The following CREB5 variants were observed in gnomAD, a reference collection of about 807,000 sequenced individuals.
The protein encoded by CREB5 is cAMP responsive element binding protein 5, also known as cyclic AMP-responsive element-binding protein 5.
In CREB5, 19 loss-of-function variants were observed where a neutral mutation model predicts 57.1. That is an observed-to-expected ratio of 0.33 (90% CI 0.23 to 0.49). The LOEUF (loss-of-function observed/expected upper bound fraction) is 0.49, where lower values mean the gene tolerates loss of function less well. Among genes scored for constraint, CREB5 ranks in the 20% least tolerant of loss-of-function variants. CREB5 has a pLI of 0.99. For synonymous variants in CREB5, 238 were observed against 238.3 expected (o/e 1.00, Z 0.01); for missense variants, 579 against 671.6 (o/e 0.86, Z 1.52).
chr7:28,690,956 G>A (rs1294337896), intron 5 of CREB5, among the ~76,000 whole-genome samples: 22 of 152,168 alleles, frequency 1.4e-4, no homozygotes, highest in Admixed American at 1.4e-3. Context: ...GGATACTAGC[G>A]ATTAAAATGC....
intron 1 of CREB5, among the ~76,000 whole-genome samples, chr7:28,359,632 G>C (rs1786426425): frequency 4.6e-5 from 1 of 21,812 alleles, no homozygotes; most frequent in Non-Finnish European, 2.7e-4. Context: ...AGAAAACATA[G>C]CAGGAAAACC....
intron 1 of CREB5, among the ~76,000 whole-genome samples, chr7:28,327,165 A>T (rs1436111744): frequency 6.6e-6 from 1 of 151,610 alleles, no homozygotes; most frequent in Non-Finnish European, 1.5e-5. Context: ...AAAAAAAAAA[A>T]AAAGGAAACC....
chr7:28,462,269 A>G (rs1241244359), intron 1 of CREB5, among the ~76,000 whole-genome samples: 2 of 152,192 alleles, frequency 1.3e-5, no homozygotes, highest in African/African-American at 4.8e-5. Flanking sequence ...TTATAGCCAA[A>G]TAACATTTAA....
intron 5 of CREB5, among the ~76,000 whole-genome samples, chr7:28,620,273 T>C (rs532297524): frequency 2.0e-5 from 3 of 152,348 alleles, no homozygotes; most frequent in Admixed American, 2.0e-4. Flanking sequence ...TCTCACTATG[T>C]TACCCAGGCT....
At chr7:28,549,837 G>A (rs148183489) in intron 4 of CREB5, among the ~76,000 whole-genome samples, 10 of 152,322 alleles carry the variant, frequency 6.6e-5, no homozygotes, top group African/African-American at 2.2e-4. Flanking sequence ...TGCAAAGCGT[G>A]TCATTGCTGA....
At chr7:28,715,495 T>C (rs1393256975) in intron 5 of CREB5, among the ~76,000 whole-genome samples, 1 of 152,230 alleles carries the variant, frequency 6.6e-6, no homozygotes. Flanking sequence ...ATAATAATTC[T>C]AGTTTCAATA....
chr7:28,575,105 G>C (rs1171998725), intron 5 of CREB5, among the ~76,000 whole-genome samples: 1 of 152,174 alleles, frequency 6.6e-6, no homozygotes, highest in Non-Finnish European at 1.5e-5. Flanking sequence ...CAGATGCTAT[G>C]TGTCATGCAG....
chr7:28,363,260 C>T (rs770820006), intron 1 of CREB5, among the ~76,000 whole-genome samples: 5 of 152,124 alleles, frequency 3.3e-5, no homozygotes, highest in Non-Finnish European at 7.4e-5. Context: ...CAACACGAAG[C>T]AGGTGTTCTT....
chr7:28,790,177 CCTT>C (rs1735338462), intron 7 of CREB5, among the ~76,000 whole-genome samples: 1 of 152,320 alleles, frequency 6.6e-6, no homozygotes, highest in Middle Eastern at 3.4e-3. Flanking sequence ...GCATATCCCT[CCTT>C]CTTCCAGGAA....
chr7:28,520,852 TAGAC>T (rs141594460), intron 4 of CREB5, among the ~76,000 whole-genome samples: 234 of 152,362 alleles, frequency 1.5e-3, no homozygotes, highest in East Asian at 2.9e-3. Context: ...TTTATGAAGA[TAGAC>T]AGGCTGGTTG....
chr7:28,495,095 TG>T, intron 3 of CREB5, 96 bp downstream of exon 3: 1 of 736,372 alleles, frequency 1.4e-6, no homozygotes, highest in East Asian at 2.8e-5. Flanking sequence ...ACTGGTAAAT[TG>T]TGCACCTTGA....
intron 5 of CREB5, among the ~76,000 whole-genome samples, chr7:28,695,550 T>C (rs1249580968): frequency 1.3e-5 from 2 of 152,150 alleles, no homozygotes; most frequent in Non-Finnish European, 2.9e-5. Flanking sequence ...GGCCACAAGA[T>C]AGCTTGCTTT....
intron 1 of CREB5, chr7:28,435,699 G>A: frequency 1.0e-6 from 1 of 982,116 alleles, no homozygotes. Flanking sequence ...GTAAGTGGTG[G>A]GGTTGTATAA....
chr7:28,788,655 CA>C (rs1181745650), intron 7 of CREB5, among the ~76,000 whole-genome samples: 1 of 152,090 alleles, frequency 6.6e-6, no homozygotes, highest in Non-Finnish European at 1.5e-5. Flanking sequence ...TCCAAAACAC[CA>C]GAGAAGTGCA....
intron 4 of CREB5, among the ~76,000 whole-genome samples, chr7:28,523,767 A>G (rs142096295): frequency 6.6e-6 from 1 of 152,316 alleles, no homozygotes; most frequent in African/African-American, 2.4e-5. Flanking sequence ...TAATCCACGC[A>G]TGAAAGCTCA....
chr7:28,726,139 T>G (rs1803324326), intron 7 of CREB5, among the ~76,000 whole-genome samples: 1 of 152,176 alleles, frequency 6.6e-6, no homozygotes, highest in Admixed American at 6.6e-5. Flanking sequence ...TTGGGTTAAA[T>G]TTACTGAGTA....
intron 1 of CREB5, among the ~76,000 whole-genome samples, chr7:28,444,890 T>C (rs1789365388): frequency 6.6e-6 from 1 of 152,202 alleles, no homozygotes; most frequent in Non-Finnish European, 1.5e-5. Context: ...ATGAGTTTCT[T>C]CCTAATCTTA....
chr7:28,493,964 T>A (rs1302665195), intron 2 of CREB5, among the ~76,000 whole-genome samples: 2 of 152,264 alleles, frequency 1.3e-5, no homozygotes, highest in African/African-American at 4.8e-5. Context: ...CAGTTACATT[T>A]GTAGATACAT....
intron 1 of CREB5, among the ~76,000 whole-genome samples, chr7:28,456,287 A>G (rs1790091363): frequency 1.3e-5 from 2 of 152,218 alleles, no homozygotes; most frequent in Non-Finnish European, 1.5e-5. Context: ...TGCAAGTTAC[A>G]AATCTGTGGC....
Sources: allele counts gnomAD v4.1 joint callset (sites outside exome capture counted in the v4.1 genomes callset), GRCh38; gene constraint gnomAD v4.1.1; transcripts MANE v1.5; gene names NCBI Gene and HGNC (gene_info 2026-07-23, HGNC 2026-07-21).